Variants in FSTL4 observed in about 807,000 individuals in gnomAD.
FSTL4 encodes follistatin-related protein 4.
In FSTL4, 28 loss-of-function variants were observed where a neutral mutation model predicts 78.2. The ratio of observed to expected loss-of-function variants is 0.36; its 90% CI spans 0.27 to 0.49. FSTL4 has a LOEUF of 0.49. Among genes scored for constraint, FSTL4 ranks in the 20% least tolerant of loss-of-function variants. The pLI is 0.98. For synonymous variants in FSTL4, 422 were observed against 440.5 expected, an observed-to-expected ratio of 0.96 and a Z score of 0.53; for missense variants, 922 against 1,084.9, an observed-to-expected ratio of 0.85 and a Z score of 2.11.
the FSTL4 span, among the ~76,000 whole-genome samples, chr5:133,785,112 G>T: frequency 6.6e-6 from 1 of 152,276 alleles, no homozygotes; most frequent in African/African-American, 2.4e-5. Context: ...CACCTGCTCT[G>T]CCTCCCCTCA....
chr5:133,202,048 A>G lies in FSTL4; in HGVS notation c.1717-6T>C. On this transcript the variant is annotated splice_region_variant and splice_polypyrimidine_tract_variant and intron_variant, in intron 14 of 15. Transcript: ENST00000265342. ...GTGCTGGCTTCTGTGATCACCTACA[A>G]CACAGAGTGGGAATCCTAGTGAGGG... is the stretch of plus-strand genomic sequence containing the variant. The G allele has an allele frequency of 6.3e-7, 1 of 1,578,120 alleles. No homozygotes were observed. The highest frequency in any genetic ancestry group is 1.1e-5 in the South Asian group (1 of 87,118).
chr5:133,435,497 T>G (rs1043424542), intron 3 of FSTL4, among the ~76,000 whole-genome samples: 2 of 152,258 alleles, frequency 1.3e-5, no homozygotes, highest in African/African-American at 4.8e-5. Context: ...TTGGGACAAG[T>G]GCTTTAGAAG....
At chr5:133,349,945 T>C (rs1275749413) in intron 4 of FSTL4, among the ~76,000 whole-genome samples, 1 of 140,330 alleles carries the variant, frequency 7.1e-6, no homozygotes, top group Non-Finnish European at 1.5e-5. Context: ...AAAGGACCCA[T>C]AGGATGGACT....
the FSTL4 span, among the ~76,000 whole-genome samples, chr5:133,626,162 T>C: frequency 9.5e-5 from 1 of 10,526 alleles, no homozygotes; most frequent in Non-Finnish European, 1.5e-4. Flanking sequence ...ATATATTCCA[T>C]ATATATATAT....
At chr5:133,280,492 G>C (rs1327194331) in intron 6 of FSTL4, among the ~76,000 whole-genome samples, 1 of 152,116 alleles carries the variant, frequency 6.6e-6, no homozygotes, top group Non-Finnish European at 1.5e-5. Context: ...GTGCAGATGA[G>C]GCATAAAAGT....
chr5:133,514,227 C>T lies in FSTL4; in HGVS notation c.160+52959G>A, dbSNP rs1428682511. On this transcript the variant is annotated intron_variant, in intron 3 of 15. Coordinates refer to ENST00000265342, the MANE Select transcript of FSTL4 (RefSeq NM_015082.2). ...TAATAATAATAATAATAATAATAAA[C>T]CGTTGGTTCAGGGAGAACAGGAGGA... Among the ~76,000 whole-genome samples, 4 of 134,184 alleles carry T rather than the reference C, an allele frequency of 3.0e-5. No homozygotes were observed. In the East Asian group the frequency reaches 8.4e-4, roughly 28 times the overall value. The allele number at this position is 134,184 out of a possible 152,430, so 88.0% of individuals were successfully genotyped here.
chr5:133,525,071 C>T (rs1316126445), intron 3 of FSTL4, among the ~76,000 whole-genome samples: 1 of 152,208 alleles, frequency 6.6e-6, no homozygotes, highest in East Asian at 1.9e-4. Context: ...CAGACGGGTG[C>T]CCCAGCCTTT....
intron 4 of FSTL4, among the ~76,000 whole-genome samples, chr5:133,322,189 C>G (rs1047257248): frequency 6.6e-6 from 1 of 151,234 alleles, no homozygotes; most frequent in Admixed American, 6.6e-5. Context: ...CAATCCACCT[C>G]GTCTGTAGGA....
chr5:133,818,186 C>T, the FSTL4 span, among the ~76,000 whole-genome samples: 1 of 152,212 alleles, frequency 6.6e-6, no homozygotes, highest in East Asian at 1.9e-4. Context: ...CAGCATGCTC[C>T]AGGTCCCAGA....
intron 6 of FSTL4, among the ~76,000 whole-genome samples, chr5:133,269,712 A>C (rs913074267): frequency 6.6e-6 from 1 of 152,140 alleles, no homozygotes. Context: ...TGGACCTGTT[A>C]ATCCTGTTTG....
At position 133,199,368 on chromosome 5, in the gene FSTL4, G is replaced by A. The variant is rs752897337; in HGVS notation, c.2256C>T (p.Tyr752=). 2.6e-5 allele frequency: 42 copies of A among 1,614,116 alleles called. No individual in the cohort carries two copies. Among genetic ancestry groups the A allele is most frequent in the South Asian group, 1.9e-4 (17 of 91,066 alleles). The change falls in exon 16 of 16, where the codon TAC becomes TAT. Residue 752 remains tyrosine (Y), a synonymous_variant. Transcript: ENST00000265342. This position sits in a 1 kb window ranked among gnomAD's most constrained non-coding sequence, Gnocchi z 4.4. ...SFTESNQYNI[Y]AALHTEPDLL... The stretch of plus-strand genomic sequence containing the variant: ...GGTCCGGCTCCGTGTGCAGAGCCGC[G>A]TAGATGTTGTATTGATTGCTTTCAG...
chr5:133,813,921 T>C, the FSTL4 span, among the ~76,000 whole-genome samples: 1 of 152,216 alleles, frequency 6.6e-6, no homozygotes, highest in African/African-American at 2.4e-5. Flanking sequence ...AGCAACTCCA[T>C]TGCAAAGAGA....
intron 2 of FSTL4, among the ~76,000 whole-genome samples, chr5:133,599,079 T>C (rs919841476): frequency 6.6e-6 from 1 of 151,946 alleles, no homozygotes; most frequent in Non-Finnish European, 1.5e-5. Flanking sequence ...TTATGGGTGG[T>C]GGGGAGAATT....
intron 7 of FSTL4, among the ~76,000 whole-genome samples, chr5:133,235,842 T>C (rs1751644799): frequency 6.6e-6 from 1 of 152,206 alleles, no homozygotes; most frequent in Non-Finnish European, 1.5e-5. Flanking sequence ...AAGTTGTTTA[T>C]GAAAAGTTAA....
rs554840102 is a variant in FSTL4 at position 133,201,860 on chromosome 5, C to T, written c.1826+73G>A. ...GACAGAGAAATGAGCAGGTCCCATGCTGGGCAATGCTGCCCCTTGCAGGGC... is the reference window on the plus strand; with the variant it reads ...GACAGAGAAATGAGCAGGTCCCATGTTGGGCAATGCTGCCCCTTGCAGGGC... On this transcript the variant is annotated intron_variant, in intron 15 of 15. Coordinates refer to ENST00000265342, the MANE Select transcript of FSTL4 (RefSeq NM_015082.2). 6.2e-6 allele frequency: 5 copies of T among 811,328 alleles called. No individual in the cohort carries two copies. The African/African-American group carries it at 6.8e-5, about 11-fold the overall frequency. The allele number at this position is 811,328 out of a possible 1,614,324, so 50.3% of individuals were successfully genotyped here. A position where few individuals can be genotyped will look rare whatever the true frequency, so the allele number is the denominator to read the frequency against.
chr5:133,626,874 T>A, the FSTL4 span, among the ~76,000 whole-genome samples: 11 of 152,106 alleles, frequency 7.2e-5, no homozygotes, highest in Non-Finnish European at 1.5e-4. Context: ...TTGGGTGGAG[T>A]ATTCTGCAAC....
At chr5:133,732,361 G>A in the FSTL4 span, among the ~76,000 whole-genome samples, 78 of 152,220 alleles carry the variant, frequency 5.1e-4, no homozygotes, top group Admixed American at 1.8e-3. Context: ...AGAACTCCCA[G>A]AAGAGACACT....
intron 3 of FSTL4, among the ~76,000 whole-genome samples, chr5:133,564,215 A>G (rs1261408310): frequency 6.6e-6 from 1 of 152,076 alleles, no homozygotes; most frequent in Non-Finnish European, 1.5e-5. Context: ...TTATGACTTC[A>G]TCTTTATATC....
At chr5:133,841,661 C>T in the FSTL4 span, among the ~76,000 whole-genome samples, 1 of 152,142 alleles carries the variant, frequency 6.6e-6, no homozygotes, top group East Asian at 1.9e-4. Flanking sequence ...AAGCCATGTG[C>T]CCAGAGCCAA....
Sources: gnomAD v4.1 joint callset for allele counts (sites outside exome capture counted in the v4.1 genomes callset) on GRCh38, gnomAD v4.1.1 for gene constraint, Gnocchi (gnomAD v3.1) non-coding constraint, MANE v1.5 for transcripts, NCBI Gene and HGNC (gene_info 2026-07-23, HGNC 2026-07-21) for gene names.